ST8SIA5: variants seen among roughly 807,000 people sequenced by gnomAD.
ST8SIA5 encodes the protein ST8 alpha-N-acetyl-neuraminide alpha-2,8-sialyltransferase 5.
A neutral mutation model predicts 40.2 loss-of-function variants in ST8SIA5; 24 were observed. That is an observed-to-expected ratio of 0.60 (90% CI 0.43 to 0.84). The LOEUF (loss-of-function observed/expected upper bound fraction) is 0.84. Among genes scored for constraint, ST8SIA5 ranks in the 40% least tolerant of loss-of-function variants. The pLI, the probability that ST8SIA5 is intolerant of heterozygous loss-of-function variation, is 0.00. For synonymous variants in ST8SIA5, 198 were observed against 201.8 expected, an observed-to-expected ratio of 0.98 and a Z score of 0.16; for missense variants, 465 against 498.5, an observed-to-expected ratio of 0.93 and a Z score of 0.64.
intron 1 of ST8SIA5, among the ~76,000 whole-genome samples, chr18:46,721,986 G>A (rs1008444996): frequency 1.3e-5 from 2 of 152,166 alleles, no homozygotes; most frequent in African/African-American, 4.8e-5. Context: ...TGACAGCAAA[G>A]GGATAAATAC....
chr18:46,681,499 C>T (rs1412802175), intron 6 of ST8SIA5, among the ~76,000 whole-genome samples: 1 of 152,176 alleles, frequency 6.6e-6, no homozygotes, highest in African/African-American at 2.4e-5. Flanking sequence ...CCAGATGAAC[C>T]CCAGGAGGGG....
chr18:46,680,278 T>C lies in ST8SIA5; in HGVS notation c.895A>G (p.Ile299Val). ...GTGACCAGAATGAGGCCGGTGCTGA[T>C]GCGCTTGGCGCGCACCCCCAGGCTG... ...WLSLGVRAKR[I>V]STGLILVTAA... The change falls in exon 7 of 7, where the codon ATC becomes GTC. Residue 299 changes from isoleucine (I) to valine (V), a missense_variant. By Grantham distance (29) the Ile-to-Val change is conservative (BLOSUM62 3). Coordinates refer to ENST00000315087, the MANE Select transcript of ST8SIA5 (RefSeq NM_013305.6). The C allele has an allele frequency of 6.2e-7, 1 of 1,614,238 alleles. No homozygotes were observed. The highest frequency in any genetic ancestry group is 8.5e-7 in the Non-Finnish European group (1 of 1,180,044).
At chr18:46,739,975 T>C (rs1037087684) in intron 1 of ST8SIA5, among the ~76,000 whole-genome samples, 43 of 152,294 alleles carry the variant, frequency 2.8e-4, no homozygotes, top group Admixed American at 3.3e-4. Context: ...TGGAACTGTA[T>C]TGCAGCTCAA....
At chr18:46,716,483 C>T (rs1305668731) in intron 1 of ST8SIA5, among the ~76,000 whole-genome samples, 1 of 152,210 alleles carries the variant, frequency 6.6e-6, no homozygotes, top group Non-Finnish European at 1.5e-5. Context: ...CAGCCTGGGC[C>T]AGCCCCGCTC....
intron 1 of ST8SIA5, among the ~76,000 whole-genome samples, chr18:46,737,952 G>A (rs921702052): frequency 3.9e-5 from 6 of 151,990 alleles, no homozygotes; most frequent in African/African-American, 1.4e-4. Context: ...TGTATTTTTA[G>A]TAGAGATAGG....
rs2039359446 is a variant in ST8SIA5, at chr18:46,679,108, G to A, written c.*934C>T. On this transcript the variant is annotated 3_prime_UTR_variant, in exon 7 of 7. Transcript: ENST00000315087. The stretch of plus-strand genomic sequence containing the variant: ...GAACACGATACAGCAGGATTCTGCA[G>A]GATTCAGAGACATGAGAGGAAGAGG... 1 of 152,236 alleles carries A rather than the reference G, an allele frequency of 6.6e-6. No homozygotes were observed. Among genetic ancestry groups the A allele is most frequent in the Admixed American group, 6.5e-5 (1 of 15,282 alleles). 9.4% of individuals were successfully genotyped at this position (152,236 alleles called of 1,614,324 possible).
chr18:46,742,181 T>C (rs796654492), intron 1 of ST8SIA5, among the ~76,000 whole-genome samples: 6 of 151,918 alleles, frequency 3.9e-5, no homozygotes, highest in South Asian at 2.1e-4. Context: ...TGTGTGGAAC[T>C]TTACCTATTA....
chr18:46,746,301 C>T (rs979121626), intron 1 of ST8SIA5, among the ~76,000 whole-genome samples: 7 of 152,184 alleles, frequency 4.6e-5, no homozygotes, highest in South Asian at 2.1e-4. Context: ...ATGACATGAT[C>T]GTATATTTAG....
chr18:46,730,602 G>A (rs191741696), intron 1 of ST8SIA5, among the ~76,000 whole-genome samples: 1 of 152,252 alleles, frequency 6.6e-6, no homozygotes, highest in East Asian at 1.9e-4. Flanking sequence ...GGAGGCCAAG[G>A]CAGGGGGATA....
intron 2 of ST8SIA5, among the ~76,000 whole-genome samples, chr18:46,697,481 A>G (rs1381986519): frequency 1.3e-5 from 2 of 152,216 alleles, no homozygotes; most frequent in Non-Finnish European, 2.9e-5. Flanking sequence ...GAGAGAAAAA[A>G]GATAAAATTA....
chr18:46,679,814 G>A lies in ST8SIA5; in HGVS notation c.*228C>T. The A allele has an allele frequency of 1.7e-6, 1 of 575,810 alleles. No individual in the cohort carries two copies. Among genetic ancestry groups the A allele is most frequent in the Non-Finnish European group, 3.1e-6 (1 of 324,590 alleles). 35.7% of individuals were successfully genotyped at this position (575,810 alleles called of 1,614,324 possible). A position where few individuals can be genotyped will look rare whatever the true frequency, so the allele number is the denominator to read the frequency against. On this transcript the variant is annotated 3_prime_UTR_variant, in exon 7 of 7. Transcript: ENST00000315087. Reference sequence around the variant, plus strand: ...TAGCCAGGGCAGGTGGACGCACTGGGCGGATGCACCGGTGGGGGCCAGGCC... The same window carrying A: ...TAGCCAGGGCAGGTGGACGCACTGGACGGATGCACCGGTGGGGGCCAGGCC...
chr18:46,680,233 C>G lies in ST8SIA5; in HGVS notation c.940G>C (p.Glu314Gln). ...ILVTAALELCEEVHLFGFWAF... is the reference protein window; with the variant it reads ...ILVTAALELCQEVHLFGFWAF... ...CAGAAGCCAAAGAGGTGCACCTCCT[C>G]ACAGAGCTCCAGCGCCGCAGTGACC... The change falls in exon 7 of 7, where the codon GAG becomes CAG. Residue 314 changes from glutamate (E) to glutamine (Q), a missense_variant. Physicochemically the swap from Glu to Gln is conservative, Grantham distance 29. Coordinates refer to ENST00000315087, the MANE Select transcript of ST8SIA5 (RefSeq NM_013305.6). The G allele has an allele frequency of 6.2e-7, 1 of 1,614,240 alleles. No individual in the cohort carries two copies. The highest frequency in any genetic ancestry group is 8.5e-7 in the Non-Finnish European group (1 of 1,180,032).
chr18:46,726,823 G>A (rs1368786774), intron 1 of ST8SIA5, among the ~76,000 whole-genome samples: 9 of 152,144 alleles, frequency 5.9e-5, no homozygotes, highest in Admixed American at 5.9e-4. Flanking sequence ...GGAGGCTGAG[G>A]CAGAGTATTG....
chr18:46,711,987 T>G (rs774500215), intron 1 of ST8SIA5, among the ~76,000 whole-genome samples: 30 of 152,322 alleles, frequency 2.0e-4, no homozygotes, highest in South Asian at 6.2e-4. Flanking sequence ...GCCCCAGGTG[T>G]GCACCTCACA....
At position 46,725,570 on chromosome 18, in the gene ST8SIA5, C is replaced by A. The variant is rs2039909603; in HGVS notation, c.132-20906G>T. On this transcript the variant is annotated intron_variant, in intron 1 of 6. Coordinates refer to ENST00000315087, the MANE Select transcript of ST8SIA5 (RefSeq NM_013305.6). ...GGGGAACAAGTTACAAAAGGAGATA[C>A]CCAATAGTAGTTCCATTTCTGTAAG... Among the ~76,000 whole-genome samples, 6 of 152,144 alleles carry A rather than the reference C, an allele frequency of 3.9e-5. No individual in the cohort carries two copies. The South Asian group carries it at 1.2e-3, about 32-fold the overall frequency.
intron 6 of ST8SIA5, among the ~76,000 whole-genome samples, chr18:46,681,566 C>G (rs900450006): frequency 3.3e-5 from 5 of 152,302 alleles, no homozygotes; most frequent in Admixed American, 6.5e-5. Flanking sequence ...CTCCTGGACA[C>G]AGCCAGGTAG....
chr18:46,705,836 G>C (rs776300425), intron 1 of ST8SIA5, among the ~76,000 whole-genome samples: 12 of 152,346 alleles, frequency 7.9e-5, no homozygotes, highest in Non-Finnish European at 1.5e-4. Flanking sequence ...TCAGAGGTGA[G>C]AGGGGCTCCC....
At chr18:46,749,888 A>G (rs112328772) in intron 1 of ST8SIA5, among the ~76,000 whole-genome samples, 4,703 of 152,202 alleles carry the variant, frequency 0.031, 223 homozygotes, top group African/African-American at 0.1. Flanking sequence ...ATTGGTGCCC[A>G]CATAAGACGA....
rs1020863652 is a variant in ST8SIA5 at position 46,678,325 on chromosome 18, G to C, written c.*1717C>G. 2.0e-5 allele frequency: 3 copies of C among 152,874 alleles called. No individual in the cohort carries two copies. Among genetic ancestry groups the C allele is most frequent in the African/African-American group, 2.4e-5 (1 of 41,468 alleles). 9.5% of individuals were successfully genotyped at this position (152,874 alleles called of 1,614,324 possible). On this transcript the variant is annotated 3_prime_UTR_variant, in exon 7 of 7. Coordinates refer to ENST00000315087, the MANE Select transcript of ST8SIA5 (RefSeq NM_013305.6). Reference sequence around the variant, plus strand: ...AACAACCCCCCCACAGGAAGCCCAAGCCAAGACACAAAAGTTTGGCCAAGA... The same window carrying C: ...AACAACCCCCCCACAGGAAGCCCAACCCAAGACACAAAAGTTTGGCCAAGA...
Sources: gnomAD v4.1 joint callset for allele counts (sites outside exome capture counted in the v4.1 genomes callset) on GRCh38, gnomAD v4.1.1 for gene constraint, MANE v1.5 for transcripts, NCBI Gene and HGNC (gene_info 2026-07-23, HGNC 2026-07-21) for gene names.